The following TLE3 variants were observed in gnomAD, a reference collection of about 807,000 sequenced individuals.
TLE3 encodes transducin-like enhancer protein 3.
A neutral mutation model predicts 93.0 loss-of-function variants in TLE3; 14 were observed. The observed-to-expected ratio is 0.15, with a 90% CI of 0.10 to 0.24. The LOEUF (loss-of-function observed/expected upper bound fraction) is 0.24, where lower values mean the gene tolerates loss of function less well. Ranked by LOEUF, TLE3 falls within the 10% of genes least tolerant of loss-of-function variation. The pLI is 1.00. For synonymous variants in TLE3, 451 were observed against 425.0 expected, an observed-to-expected ratio of 1.06 and a Z score of -0.75; for missense variants, 693 against 1,046.6, an observed-to-expected ratio of 0.66 and a Z score of 4.66.
At chr15:70,060,786 CG>C (rs2056420777) in intron 8 of TLE3, 137 bp from the exon 9 acceptor site, 1 of 1,465,142 alleles carries the variant, frequency 6.8e-7, no homozygotes, top group African/African-American at 1.4e-5. Flanking sequence ...CCCTGCAGAT[CG>C]TGGCTCCATC....
intron 6 of TLE3, among the ~76,000 whole-genome samples, chr15:70,074,006 C>T (rs1043815843): frequency 6.6e-6 from 1 of 152,260 alleles, no homozygotes; most frequent in Admixed American, 6.5e-5. Context: ...AGTTCACAAG[C>T]GTACATGATG....
At chr15:70,055,722 C>T in intron 14 of TLE3, 1 of 193,416 alleles carries the variant, frequency 5.2e-6, no homozygotes. Context: ...CTGTGGTGAG[C>T]CAGCCTGGCC....
intron 8 of TLE3, among the ~76,000 whole-genome samples, chr15:70,064,188 C>T (rs2056672169): frequency 1.3e-5 from 2 of 152,224 alleles, no homozygotes; most frequent in South Asian, 2.1e-4. Flanking sequence ...CAACAGGTGA[C>T]GACAGCAGCT....
intron 14 of TLE3, 70 bp from the exon 15 acceptor site, chr15:70,055,368 A>G (rs1310250614): frequency 1.3e-6 from 2 of 1,519,256 alleles, no homozygotes; most frequent in African/African-American, 2.8e-5. Flanking sequence ...GGCCTGGCCC[A>G]GGTCATCTGC....
At chr15:70,081,910 G>A (rs2057798706) in intron 4 of TLE3, among the ~76,000 whole-genome samples, 1 of 152,234 alleles carries the variant, frequency 6.6e-6, no homozygotes, top group African/African-American at 2.4e-5. Context: ...GAAAATGTGT[G>A]TGTTTGGGGG....
rs1393650724 is a variant in TLE3 at position 70,050,454 on chromosome 15, A to G, written c.2203-250T>C. 1.2e-5 allele frequency: 5 copies of G among 421,244 alleles called. No individual in the cohort carries two copies. The East Asian group carries it at 2.2e-4, about 19-fold the overall frequency. The allele number at this position is 421,244 out of a possible 1,614,324, so 26.1% of individuals were successfully genotyped here. A position where few individuals can be genotyped will look rare whatever the true frequency, so the allele number is the denominator to read the frequency against. On this transcript the variant is annotated intron_variant, in intron 19 of 19. Coordinates refer to ENST00000451782, the MANE Select transcript of TLE3 (RefSeq NM_001105192.3). ...CCTGCTTTTCCATAAGGAAAAGCTC[A>G]GTAACAGTCTCCCACGTGATCTTTA...
At position 70,058,442 on chromosome 15, in the gene TLE3, T is replaced by C; in HGVS notation, c.919-151A>G. On this transcript the variant is annotated intron_variant, in intron 11 of 19. Transcript: ENST00000451782. This position sits in a 1 kb window ranked among gnomAD's most constrained non-coding sequence, Gnocchi z 4.1. ...GCCTCTCAATCCTTGCCCAACCTTG[T>C]TTGGCAGGGACTGGGGTGATCACTC... is the stretch of plus-strand genomic sequence containing the variant. 1 of 1,389,000 alleles carries C rather than the reference T, an allele frequency of 7.2e-7. No homozygotes were observed. Among genetic ancestry groups the C allele is most frequent in the East Asian group, 2.3e-5 (1 of 42,932 alleles). The allele number at this position is 1,389,000 out of a possible 1,614,324, so 86.0% of individuals were successfully genotyped here.
chr15:70,058,539 G>A lies in TLE3; in HGVS notation c.918+124C>T. 6.4e-6 allele frequency: 9 copies of A among 1,399,244 alleles called. No individual in the cohort carries two copies. The highest frequency in any genetic ancestry group is 8.5e-6 in the Non-Finnish European group (9 of 1,054,122). The allele number at this position is 1,399,244 out of a possible 1,614,324, so 86.7% of individuals were successfully genotyped here. On this transcript the variant is annotated intron_variant, in intron 11 of 19. Coordinates refer to ENST00000451782, the MANE Select transcript of TLE3 (RefSeq NM_001105192.3). This position sits in a 1 kb window ranked among gnomAD's most constrained non-coding sequence, Gnocchi z 4.1. ...AGCACAGGCCCAGCAGGCACAGAAG[G>A]TAAACCGGGGCCAATCACCCACCCA...
intron 4 of TLE3, among the ~76,000 whole-genome samples, chr15:70,084,746 C>A (rs566068416): frequency 3.3e-4 from 50 of 152,354 alleles, no homozygotes; most frequent in Admixed American, 7.2e-4. Context: ...CACTGCAGGA[C>A]CGTAGAGCCA....
intron 4 of TLE3, 117 bp downstream of exon 4, chr15:70,094,412 AAGG>A (rs1468300036): frequency 2.6e-6 from 2 of 781,898 alleles, no homozygotes; most frequent in Admixed American, 2.9e-5. Flanking sequence ...TTCACTCTTC[AAGG>A]AGAAGGGGGA....
chr15:70,080,361 T>C (rs1308607312), intron 4 of TLE3, among the ~76,000 whole-genome samples: 1 of 152,180 alleles, frequency 6.6e-6, no homozygotes, highest in African/African-American at 2.4e-5. Context: ...GGTGCCGCCT[T>C]TGAAAGTTTC....
At position 70,095,633 on chromosome 15, in the gene TLE3, A is replaced by G; in HGVS notation, c.134T>C (p.Val45Ala). The change falls in exon 3 of 20, where the codon GTG becomes GCG. Residue 45 changes from valine to alanine, a missense_variant. Val to Ala is a moderately conservative substitution (Grantham distance 64, BLOSUM62 0). Transcript: ENST00000451782. ...FLQAQYHSLKVEYDKLANEKT... is the reference protein window; with the variant it reads ...FLQAQYHSLKAEYDKLANEKT... ...CTCGTTTGCCAGCTTGTCGTACTCC[A>G]CTTTGAGGCTGCGAGGGCAGGAGGA... is the stretch of plus-strand genomic sequence containing the variant. 6.4e-7 allele frequency: 1 copy of G among 1,551,324 alleles called. No individual in the cohort carries two copies. Among genetic ancestry groups the G allele is most frequent in the Non-Finnish European group, 8.7e-7 (1 of 1,146,868 alleles).
Position 70,093,128 on chromosome 15 carries a change from G to A in TLE3, c.234+1404C>T, listed in dbSNP as rs376442967. On this transcript the variant is annotated intron_variant, in intron 4 of 19. Transcript: ENST00000451782. The stretch of plus-strand genomic sequence containing the variant: ...TTTTTCCAAGGAGAAATATCTTTAC[G>A]TATAAAGCCCTGTCTATTATTTCTG... Among the ~76,000 whole-genome samples, 11 of 152,230 alleles carry A rather than the reference G, an allele frequency of 7.2e-5. No individual in the cohort carries two copies. In the East Asian group the frequency reaches 9.6e-4, roughly 13 times the overall value.
At chr15:70,057,394 C>T (rs1389773045) in intron 13 of TLE3, 65 bp downstream of exon 13, 9 of 1,510,202 alleles carry the variant, frequency 6.0e-6, no homozygotes, top group East Asian at 2.5e-5. Context: ...GGGGAGCACC[C>T]GTCCAACCAC....
At chr15:70,090,085 C>T (rs1596016996) in intron 4 of TLE3, among the ~76,000 whole-genome samples, 1 of 152,292 alleles carries the variant, frequency 6.6e-6, no homozygotes, top group East Asian at 1.9e-4. Context: ...TCTACCACTC[C>T]CACTGGCAAC....
chr15:70,059,286 G>A, intron 10 of TLE3, 124 bp downstream of exon 10: 1 of 1,137,842 alleles, frequency 8.8e-7, no homozygotes, highest in Non-Finnish European at 1.2e-6. Context: ...CAAGACTGGA[G>A]GCCTTGTCTC....
intron 4 of TLE3, among the ~76,000 whole-genome samples, chr15:70,090,432 C>A (rs1164720412): frequency 6.6e-6 from 1 of 152,190 alleles, no homozygotes; most frequent in African/African-American, 2.4e-5. Context: ...TGCAAGTGGT[C>A]CCACATTCTC....
chr15:70,057,879 C>A, intron 12 of TLE3: 1 of 719,842 alleles, frequency 1.4e-6, no homozygotes, highest in Non-Finnish European at 2.2e-6. Context: ...TATGGAGGCC[C>A]AAATGGGCTT....
rs528582146 is a variant in TLE3, at chr15:70,086,237, G to A, written c.234+8295C>T. Among the ~76,000 whole-genome samples the A allele has an allele frequency of 2.6e-5, 4 of 152,192 alleles. No homozygotes were observed. The South Asian group carries it at 6.3e-4, about 24-fold the overall frequency. On this transcript the variant is annotated intron_variant, in intron 4 of 19. Transcript: ENST00000451782. Reference sequence around the variant, plus strand: ...GAGCTAGAATGGACTCCCATCCCTTGTCCACTAGTCTGCACTGAACTGCCT... The same window carrying A: ...GAGCTAGAATGGACTCCCATCCCTTATCCACTAGTCTGCACTGAACTGCCT...
Sources: allele counts gnomAD v4.1 joint callset (sites outside exome capture counted in the v4.1 genomes callset), GRCh38; gene constraint gnomAD v4.1.1; non-coding constraint Gnocchi (gnomAD v3.1); transcripts MANE v1.5; gene names NCBI Gene and HGNC (gene_info 2026-07-23, HGNC 2026-07-21).